STX18: variants seen among roughly 807,000 people sequenced by gnomAD.
STX18 encodes the protein syntaxin 18.
A neutral mutation model predicts 50.1 loss-of-function variants in STX18; 40 were observed. That is an observed-to-expected ratio of 0.80 (90% CI 0.62 to 1.04). The LOEUF is 1.04. STX18 is among the 50% of genes least tolerant of loss of function. The pLI, the probability that STX18 is intolerant of heterozygous loss-of-function variation, is 0.00. For synonymous variants in STX18, 158 were observed against 151.8 expected (o/e 1.04, Z -0.30); for missense variants, 410 against 415.8 (o/e 0.99, Z 0.12).
At chr4:4,517,730 C>T (rs1031972206) in intron 1 of STX18, among the ~76,000 whole-genome samples, 3 of 151,938 alleles carry the variant, frequency 2.0e-5, no homozygotes, top group African/African-American at 7.2e-5. Flanking sequence ...ATATCACTAC[C>T]TACATGAATA....
At chr4:4,466,072 A>G (rs1191446276) in intron 2 of STX18, among the ~76,000 whole-genome samples, 1 of 152,232 alleles carries the variant, frequency 6.6e-6, no homozygotes, top group Non-Finnish European at 1.5e-5. Flanking sequence ...GTGATTACGA[A>G]CAAATTACTC....
intron 9 of STX18, among the ~76,000 whole-genome samples, chr4:4,422,587 A>G (rs1725026057): frequency 6.6e-6 from 1 of 151,614 alleles, no homozygotes; most frequent in African/African-American, 2.4e-5. Context: ...AAAAAAAGAA[A>G]AAGAAAAAAA....
Position 4,438,389 on chromosome 4 carries a change from C to G in STX18, c.613+5G>C. ...GCAAGGTGAGATTTTCATCTCAATT[C>G]GTACCTGGACGTTCTTCAGTGGCAG... On this transcript the variant is annotated splice_donor_5th_base_variant and intron_variant, in intron 6 of 10. Coordinates refer to ENST00000306200, the MANE Select transcript of STX18 (RefSeq NM_016930.4). 1 of 1,603,168 alleles carries G rather than the reference C, an allele frequency of 6.2e-7. No homozygotes were observed. The highest frequency in any genetic ancestry group is 8.5e-7 in the Non-Finnish European group (1 of 1,172,692).
chr4:4,464,401 G>C (rs1238983371), intron 2 of STX18, among the ~76,000 whole-genome samples: 1 of 152,122 alleles, frequency 6.6e-6, no homozygotes, highest in African/African-American at 2.4e-5. Flanking sequence ...TCCTTCATCT[G>C]CTCGATAAAT....
chr4:4,541,139 G>A (rs772007959), intron 1 of STX18, among the ~76,000 whole-genome samples: 2 of 152,180 alleles, frequency 1.3e-5, no homozygotes, highest in Middle Eastern at 3.2e-3. Context: ...GCAATGCTAT[G>A]AGTCATGCAT....
chr4:4,489,391 ATTTTTTTTTTTTTTTTTTTTTT>A (rs34563523), intron 1 of STX18, among the ~76,000 whole-genome samples: 14 of 51,602 alleles, frequency 2.7e-4, no homozygotes, highest in Admixed American at 1.8e-3. Flanking sequence ...ATGCAAAATA[ATTTTTTTTTTTTTTTTTTTTTT>A]TTTTTTTTTT....
intron 7 of STX18, among the ~76,000 whole-genome samples, chr4:4,434,537 T>C (rs1214664160): frequency 6.6e-6 from 1 of 152,226 alleles, no homozygotes; most frequent in Non-Finnish European, 1.5e-5. Flanking sequence ...ATTAGTAAAA[T>C]TCTTCCAAGG....
At chr4:4,445,721 T>C (rs1160607209) in intron 5 of STX18, among the ~76,000 whole-genome samples, 1 of 152,170 alleles carries the variant, frequency 6.6e-6, no homozygotes, top group African/African-American at 2.4e-5. Flanking sequence ...AAAGATATAC[T>C]ATGTTTGTGG....
intron 5 of STX18, among the ~76,000 whole-genome samples, chr4:4,439,206 A>C (rs1287287625): frequency 3.7e-5 from 5 of 136,688 alleles, no homozygotes; most frequent in Non-Finnish European, 7.7e-5. Flanking sequence ...ATATATACAT[A>C]CATGCATGTA....
chr4:4,434,584 A>T (rs140951479), intron 7 of STX18, among the ~76,000 whole-genome samples, 186 bp downstream of exon 7: 1 of 152,214 alleles, frequency 6.6e-6, no homozygotes, highest in East Asian at 1.9e-4. Flanking sequence ...TGCAAATTTA[A>T]AGCATATGAA....
At chr4:4,421,353 C>T (rs568528625) in intron 9 of STX18, among the ~76,000 whole-genome samples, 3 of 151,526 alleles carry the variant, frequency 2.0e-5, no homozygotes, top group East Asian at 1.9e-4. Context: ...AGGGCTTAAA[C>T]GATCCTCCCA....
chr4:4,473,768 A>T (rs904589625), intron 1 of STX18, among the ~76,000 whole-genome samples: 1 of 152,112 alleles, frequency 6.6e-6, no homozygotes, highest in African/African-American at 2.4e-5. Context: ...AACTACTTCC[A>T]GGGGCCATGT....
intron 1 of STX18, among the ~76,000 whole-genome samples, chr4:4,521,500 G>T (rs1036407957): frequency 3.3e-5 from 5 of 152,124 alleles, no homozygotes; most frequent in African/African-American, 1.2e-4. Context: ...TTTAGAGCGG[G>T]GGAGGATAAA....
intron 5 of STX18, among the ~76,000 whole-genome samples, chr4:4,445,135 C>T (rs1726321757): frequency 6.6e-6 from 1 of 152,228 alleles, no homozygotes; most frequent in Non-Finnish European, 1.5e-5. Context: ...CGTGCAGTGG[C>T]TCATGCCTGT....
chr4:4,535,944 C>G (rs1013489905), intron 1 of STX18, among the ~76,000 whole-genome samples: 1 of 152,204 alleles, frequency 6.6e-6, no homozygotes, highest in African/African-American at 2.4e-5. Context: ...AACACTGGCA[C>G]AGAAAGTCAA....
intron 1 of STX18, among the ~76,000 whole-genome samples, chr4:4,473,374 G>A (rs1283497523): frequency 2.0e-5 from 3 of 149,176 alleles, no homozygotes; most frequent in African/African-American, 5.0e-5. Context: ...CTCAGTGCAA[G>A]CTCCACCTCC....
intron 1 of STX18, among the ~76,000 whole-genome samples, chr4:4,517,917 G>A (rs1452880112): frequency 1.3e-5 from 2 of 152,068 alleles, no homozygotes; most frequent in Admixed American, 6.5e-5. Context: ...TGGGATTACA[G>A]GCGCCTGCCA....
chr4:4,516,541 C>T (rs888467170), intron 1 of STX18, among the ~76,000 whole-genome samples: 4 of 152,040 alleles, frequency 2.6e-5, no homozygotes, highest in African/African-American at 9.7e-5. Context: ...AAATCTTTAG[C>T]TTATATACAA....
intron 5 of STX18, among the ~76,000 whole-genome samples, chr4:4,439,430 C>A (rs1006546523): frequency 2.7e-5 from 3 of 111,812 alleles, no homozygotes; most frequent in African/African-American, 1.1e-4. Flanking sequence ...TATATATACC[C>A]CCCACATATA....
Sources: gnomAD v4.1 joint callset for allele counts (sites outside exome capture counted in the v4.1 genomes callset) on GRCh38, gnomAD v4.1.1 for gene constraint, MANE v1.5 for transcripts, NCBI Gene and HGNC (gene_info 2026-07-23, HGNC 2026-07-21) for gene names.